Variants in ANAPC16 observed in about 807,000 individuals in gnomAD.
ANAPC16 encodes anaphase-promoting complex subunit 16.
In ANAPC16, 6 loss-of-function variants were observed where a neutral mutation model predicts 13.1. The observed-to-expected ratio is 0.46, with a 90% confidence interval of 0.25 to 0.90. The LOEUF (loss-of-function observed/expected upper bound fraction) is 0.90. Ranked by LOEUF, ANAPC16 falls within the 40% of genes least tolerant of loss-of-function variation. The pLI is 0.18. For missense variants in ANAPC16, 113 were observed against 131.1 expected, an observed-to-expected ratio of 0.86 and a Z score of 0.67; for synonymous variants, 55 against 51.3, an observed-to-expected ratio of 1.07 and a Z score of -0.31.
At chr10:72,232,186 CAAAAAAA>C (rs1194817055) in intron 3 of ANAPC16, among the ~76,000 whole-genome samples, 27 of 43,920 alleles carry the variant, frequency 6.1e-4, no homozygotes, top group East Asian at 3.9e-3. Context: ...AACTCTGTCT[CAAAAAAA>C]AAAAAAAAAA....
At chr10:72,220,004 A>G (rs1859843009) in intron 1 of ANAPC16, 1 of 152,154 alleles carries the variant, frequency 6.6e-6, no homozygotes, top group South Asian at 2.1e-4. Context: ...ATAAATTTAT[A>G]TTTGTATTTC....
intron 1 of ANAPC16, 166 bp downstream of exon 1, chr10:72,216,304 G>GTGC (rs1209340366): frequency 1.9e-5 from 3 of 160,638 alleles, no homozygotes; most frequent in Non-Finnish European, 1.4e-5. Context: ...GTTTGACCGA[G>GTGC]TGCGCATGCG....
At chr10:72,226,358 T>C (rs1168163770) in intron 2 of ANAPC16, among the ~76,000 whole-genome samples, 2 of 151,884 alleles carry the variant, frequency 1.3e-5, no homozygotes, top group African/African-American at 4.8e-5. Context: ...TTAAAACTAA[T>C]CTAGGAATAT....
intron 2 of ANAPC16, among the ~76,000 whole-genome samples, chr10:72,224,804 T>C (rs1860067301): frequency 1.3e-5 from 2 of 152,162 alleles, no homozygotes; most frequent in Admixed American, 6.6e-5. Flanking sequence ...AGCTAATACA[T>C]TGCCCTTTTG....
intron 1 of ANAPC16, among the ~76,000 whole-genome samples, chr10:72,221,244 G>A (rs746094007): frequency 8.5e-5 from 13 of 152,106 alleles, no homozygotes; most frequent in Non-Finnish European, 1.5e-4. Context: ...TTTTAATTGG[G>A]CTAAAATTCA....
Position 72,231,065 on chromosome 10 carries a change from T to TAA in ANAPC16, c.217+625_217+626insAA, listed in dbSNP as rs1422264379. On this transcript the variant is annotated intron_variant, in intron 3 of 3. Transcript: ENST00000299381. The stretch of plus-strand genomic sequence containing the variant: ...TATACTCTAACATCCTGATAACACT[T>TAA]TTTCTGTTACATTAGGCCTCACCAG... 1.3e-5 allele frequency among the ~76,000 whole-genome samples: 2 copies of TAA among 152,148 alleles called. 1 individual carries two copies. The highest frequency in any genetic ancestry group is 2.9e-5 in the Non-Finnish European group (2 of 68,026).
rs542207034 is a variant in ANAPC16 at position 72,224,495 on chromosome 10, C to G, written c.142+439C>G. Among the ~76,000 whole-genome samples the G allele has an allele frequency of 9.9e-5, 15 of 152,110 alleles. 1 individual carries two copies. In the South Asian group the frequency reaches 2.7e-3, roughly 27 times the overall value. On this transcript the variant is annotated intron_variant, in intron 2 of 3. Transcript: ENST00000299381. ...GGGCATGGTGGTAGGCGCCTGTAAT[C>G]CCGGCTACTGGGGAGGCTGAGGCAG...
intron 2 of ANAPC16, among the ~76,000 whole-genome samples, chr10:72,229,050 T>C (rs1042879643): frequency 6.6e-6 from 1 of 151,994 alleles, no homozygotes; most frequent in Non-Finnish European, 1.5e-5. Context: ...CTTTCTAAAA[T>C]AAAATATGAG....
At position 72,231,227 on chromosome 10, in the gene ANAPC16, G is replaced by A. The variant is rs189959044; in HGVS notation, c.217+787G>A. Among the ~76,000 whole-genome samples, 126 of 152,200 alleles carry A rather than the reference G, an allele frequency of 8.3e-4. No homozygotes were observed. In the Middle Eastern group the frequency reaches 0.01, roughly 12 times the overall value. ...CAAATCACTATGGCATAGAGGATGAGTACTTTTTTTAGGAACAGAGCACAT... is the reference window on the plus strand; with the variant it reads ...CAAATCACTATGGCATAGAGGATGAATACTTTTTTTAGGAACAGAGCACAT... On this transcript the variant is annotated intron_variant, in intron 3 of 3. Transcript: ENST00000299381.
intron 1 of ANAPC16, among the ~76,000 whole-genome samples, chr10:72,217,501 G>C (rs550363226): frequency 6.6e-6 from 1 of 150,956 alleles, no homozygotes; most frequent in South Asian, 2.1e-4. Context: ...AAAGTGTAAA[G>C]TGCTTAATAG....
intron 3 of ANAPC16, among the ~76,000 whole-genome samples, chr10:72,231,045 T>G (rs1337488153): frequency 6.6e-6 from 1 of 152,174 alleles, no homozygotes; most frequent in Non-Finnish European, 1.5e-5. Context: ...CTGTCTATAC[T>G]CTAACATCCT....
intron 1 of ANAPC16, chr10:72,216,906 T>G (rs1186835668): frequency 2.2e-6 from 1 of 456,184 alleles, no homozygotes; most frequent in Admixed American, 2.3e-5. Flanking sequence ...CCTGGCAAAC[T>G]GGTTGAAGAT....
rs1214116128 is a variant in ANAPC16, at chr10:72,235,374, C to G, written c.*2258C>G. 6.6e-6 allele frequency: 1 copy of G among 152,176 alleles called. No homozygotes were observed. Among genetic ancestry groups the G allele is most frequent in the African/African-American group, 2.4e-5 (1 of 41,420 alleles). The allele number at this position is 152,176 out of a possible 1,614,324, so 9.4% of individuals were successfully genotyped here. A position where few individuals can be genotyped will look rare whatever the true frequency, so the allele number is the denominator to read the frequency against. ...GGCTGAGGCAGCAGAATCGTTTGAA[C>G]CCGGGAGGCGGAGGTTGCAGTGAGT... On this transcript the variant is annotated 3_prime_UTR_variant, in exon 4 of 4. Transcript: ENST00000299381.
rs1564794728 is a variant in ANAPC16, at chr10:72,230,353, CTT to C, written c.143-10_143-9del. On this transcript the variant is annotated splice_polypyrimidine_tract_variant and intron_variant, in intron 2 of 3. Coordinates refer to ENST00000299381, the MANE Select transcript of ANAPC16 (RefSeq NM_173473.4). Reference sequence around the variant, plus strand: ...TTAGAGCAGATTAAAACCTTTTCTCCTTTTGTTTGTAGATGGCTCTGAGAGAT... The same window carrying C: ...TTAGAGCAGATTAAAACCTTTTCTCCTTGTTTGTAGATGGCTCTGAGAGAT... 1 of 1,612,590 alleles carries C rather than the reference CTT, an allele frequency of 6.2e-7. No homozygotes were observed. The highest frequency in any genetic ancestry group is 8.5e-7 in the Non-Finnish European group (1 of 1,178,840).
intron 1 of ANAPC16, among the ~76,000 whole-genome samples, chr10:72,221,640 C>T (rs1859937899): frequency 6.7e-6 from 1 of 149,538 alleles, no homozygotes; most frequent in South Asian, 2.1e-4. Flanking sequence ...GCAACCTCCG[C>T]CTCCCAGGTT....
intron 1 of ANAPC16, among the ~76,000 whole-genome samples, chr10:72,217,640 T>C (rs891333391): frequency 6.6e-6 from 1 of 151,976 alleles, no homozygotes; most frequent in Non-Finnish European, 1.5e-5. Flanking sequence ...GGGATCTGCA[T>C]AGGAAAAAAG....
chr10:72,221,726 AT>A (rs58310763), intron 1 of ANAPC16, among the ~76,000 whole-genome samples: 2,007 of 101,050 alleles, frequency 0.02, 15 homozygotes, highest in Middle Eastern at 0.032. Context: ...ACCCAGCTAA[AT>A]TTTTTTTTTT....
intron 1 of ANAPC16, 125 bp from the exon 2 acceptor site, chr10:72,223,763 G>A (rs770665283): frequency 7.7e-6 from 5 of 645,910 alleles, no homozygotes; most frequent in Non-Finnish European, 1.2e-5. Flanking sequence ...TGAAAGTAGA[G>A]AGCATAGAAA....
At chr10:72,216,653 A>G (rs541984747) in intron 1 of ANAPC16, among the ~76,000 whole-genome samples, 4 of 152,246 alleles carry the variant, frequency 2.6e-5, no homozygotes, top group East Asian at 1.9e-4. Flanking sequence ...AAATAGGCAT[A>G]TATCTGTTAG....
Sources: gnomAD v4.1 joint callset for allele counts (sites outside exome capture counted in the v4.1 genomes callset) on GRCh38, gnomAD v4.1.1 for gene constraint, MANE v1.5 for transcripts, NCBI Gene and HGNC (gene_info 2026-07-23, HGNC 2026-07-21) for gene names.